TPD52: variants seen among roughly 807,000 people sequenced by gnomAD.
TPD52 encodes the protein prostate and colon associated protein.
In TPD52, 17 loss-of-function variants were observed where a neutral mutation model predicts 31.3. That is an observed-to-expected ratio of 0.54 (90% CI 0.37 to 0.82). TPD52 has a LOEUF of 0.82. Among genes scored for constraint, TPD52 ranks in the 40% least tolerant of loss-of-function variants. The pLI is 0.00. For missense variants in TPD52, 212 were observed against 240.1 expected (o/e 0.88, Z 0.77); for synonymous variants, 83 against 89.6 (o/e 0.93, Z 0.42).
At chr8:80,093,063 A>G (rs1038500786) in intron 1 of TPD52, among the ~76,000 whole-genome samples, 2 of 152,160 alleles carry the variant, frequency 1.3e-5, no homozygotes, top group African/African-American at 4.8e-5. Context: ...TGTTTTTCTG[A>G]GACCCTAACA....
chr8:80,142,984 A>C (rs960878688), intron 1 of TPD52, among the ~76,000 whole-genome samples: 2 of 152,202 alleles, frequency 1.3e-5, no homozygotes, highest in African/African-American at 4.8e-5. Flanking sequence ...AACACCCTCC[A>C]AATCAGCTGC....
chr8:80,032,623 C>G (rs889010310), downstream of TPD52: 5 of 152,216 alleles, frequency 3.3e-5, no homozygotes, highest in Admixed American at 1.3e-4. Context: ...TGGCTTTGGT[C>G]TTATCTATAA....
At chr8:80,144,492 C>T (rs889840126) in intron 1 of TPD52, among the ~76,000 whole-genome samples, 1 of 152,212 alleles carries the variant, frequency 6.6e-6, no homozygotes, top group African/African-American at 2.4e-5. Context: ...CTTTGTCACA[C>T]AGCTGAGCCA....
At chr8:80,058,937 C>T (rs1043288837) in intron 2 of TPD52, among the ~76,000 whole-genome samples, 4 of 152,124 alleles carry the variant, frequency 2.6e-5, no homozygotes, top group Non-Finnish European at 5.9e-5. Context: ...ATCATAGAGA[C>T]GACTTGAACA....
At chr8:80,096,291 A>AACACACACAC (rs34309218) in intron 1 of TPD52, among the ~76,000 whole-genome samples, 32 of 146,906 alleles carry the variant, frequency 2.2e-4, no homozygotes, top group African/African-American at 5.1e-4. Context: ...CACACACACA[A>AACACACACAC]ACACACACAC....
intron 1 of TPD52, among the ~76,000 whole-genome samples, chr8:80,153,933 T>C (rs566216557): frequency 1.3e-5 from 2 of 152,278 alleles, no homozygotes; most frequent in East Asian, 1.9e-4. Flanking sequence ...ATAGAACTGG[T>C]TGAAAAGAAC....
Position 80,064,554 on chromosome 8 carries a change from T to C in TPD52, c.59A>G (p.Asp20Gly), listed in dbSNP as rs1012384818. The C allele has an allele frequency of 6.2e-6, 10 of 1,614,148 alleles. No homozygotes were observed. In the Middle Eastern group the frequency reaches 1.2e-3, roughly 186 times the overall value. ...RTDPVPEEGE[D>G]VAATISATET... is the part of the protein sequence containing the mutation. ...TGTGGCACTGATCGTGGCAGCAACA[T>C]CTTCTCCTTCCTCAGGGACTGGGTC... is the stretch of plus-strand genomic sequence containing the variant. Residue 20 changes from aspartate (D) to glycine (G), a missense_variant, in exon 2 of 8, where the codon GAT becomes GGT. Coordinates refer to ENST00000518937, the MANE Select transcript of TPD52 (RefSeq NM_001025253.3).
intron 7 of TPD52, among the ~76,000 whole-genome samples, chr8:80,041,556 C>A (rs1437314368): frequency 6.6e-6 from 1 of 152,088 alleles, no homozygotes; most frequent in Non-Finnish European, 1.5e-5. Context: ...TAGATGGGAA[C>A]TAGACAACTT....
At chr8:80,034,415 G>A (rs1460861175), downstream of TPD52, among the ~76,000 whole-genome samples, 1 of 152,128 alleles carries the variant, frequency 6.6e-6, no homozygotes, top group Non-Finnish European at 1.5e-5. Flanking sequence ...TGCAGAGCCT[G>A]CAACCCCCCA....
chr8:80,125,836 C>G (rs1808562761), intron 1 of TPD52, among the ~76,000 whole-genome samples: 1 of 152,150 alleles, frequency 6.6e-6, no homozygotes, highest in African/African-American at 2.4e-5. Flanking sequence ...TAAGGTAACG[C>G]AACAAAGTTG....
intron 1 of TPD52, among the ~76,000 whole-genome samples, chr8:80,081,961 C>G (rs1049433451): frequency 6.6e-6 from 1 of 152,000 alleles, no homozygotes; most frequent in Non-Finnish European, 1.5e-5. Context: ...CCACCACCCA[C>G]TATGCCCGGC....
At chr8:80,031,175 C>A (rs1809684579), downstream of TPD52, among the ~76,000 whole-genome samples, 1 of 152,226 alleles carries the variant, frequency 6.6e-6, no homozygotes, top group Admixed American at 6.5e-5. Flanking sequence ...GGGGCACACA[C>A]CTTTCCAGTT....
At chr8:80,142,959 A>G (rs1168579768) in intron 1 of TPD52, among the ~76,000 whole-genome samples, 1 of 152,188 alleles carries the variant, frequency 6.6e-6, no homozygotes, top group Non-Finnish European at 1.5e-5. Context: ...TAGGTAGTTC[A>G]CCAATCAACA....
rs1383274755 is a variant in TPD52, at chr8:80,061,380, C to G, written c.135+3098G>C. On this transcript the variant is annotated intron_variant, in intron 2 of 7. Coordinates refer to ENST00000518937, the MANE Select transcript of TPD52 (RefSeq NM_001025253.3). ...ACTCCATACCTTCCCCCCCACCGCC[C>G]CCCCCAAAAAAAAAAGAATCCACAA... is the stretch of plus-strand genomic sequence containing the variant. Among the ~76,000 whole-genome samples, 4 of 124,088 alleles carry G rather than the reference C, an allele frequency of 3.2e-5. 1 individual carries two copies. In the East Asian group the frequency reaches 1.1e-3, roughly 35 times the overall value. 81.4% of individuals were successfully genotyped at this position (124,088 alleles called of 152,430 possible).
Position 80,044,212 on chromosome 8 carries a change from A to G in TPD52, c.414-4T>C. On this transcript the variant is annotated splice_region_variant and splice_polypyrimidine_tract_variant and intron_variant, in intron 5 of 7. Transcript: ENST00000518937. ...TGAATGCTGAATGGAACGTATACTA[A>G]GAGGCAGCATTAAAAAGAGATAGAA... 1 of 1,577,516 alleles carries G rather than the reference A, an allele frequency of 6.3e-7. No homozygotes were observed. Among genetic ancestry groups the G allele is most frequent in the South Asian group, 1.2e-5 (1 of 84,416 alleles).
intron 1 of TPD52, among the ~76,000 whole-genome samples, chr8:80,068,062 GT>G (rs78238992): frequency 1.1e-4 from 16 of 149,758 alleles, no homozygotes; most frequent in African/African-American, 2.5e-4. Flanking sequence ...TTTTAATGTT[GT>G]TTTTTTTTTC....
chr8:80,100,156 G>A (rs952839424), intron 1 of TPD52, among the ~76,000 whole-genome samples: 1 of 152,136 alleles, frequency 6.6e-6, no homozygotes, highest in Non-Finnish European at 1.5e-5. Flanking sequence ...GGGAAATCTC[G>A]CCTCCAAATT....
intron 5 of TPD52, among the ~76,000 whole-genome samples, chr8:80,045,963 A>C (rs1810800616): frequency 6.6e-6 from 1 of 152,192 alleles, no homozygotes; most frequent in African/African-American, 2.4e-5. Flanking sequence ...CACACATTGA[A>C]TTTGGTAGTA....
chr8:80,072,780 C>T (rs1465653494), intron 1 of TPD52, among the ~76,000 whole-genome samples: 4 of 143,126 alleles, frequency 2.8e-5, no homozygotes, highest in African/African-American at 6.0e-5. Flanking sequence ...CATATATATA[C>T]ACATACACAC....
Sources: allele counts gnomAD v4.1 joint callset (sites outside exome capture counted in the v4.1 genomes callset), GRCh38; gene constraint gnomAD v4.1.1; transcripts MANE v1.5; gene names NCBI Gene and HGNC (gene_info 2026-07-23, HGNC 2026-07-21).